The following LRBA variants were observed in gnomAD, a reference collection of about 807,000 sequenced individuals.
LRBA encodes the protein LPS responsive beige-like anchor protein, also known as lipopolysaccharide-responsive and beige-like anchor protein.
LRBA carries 176 observed loss-of-function variants against 330.0 expected under a neutral mutation model. The ratio of observed to expected loss-of-function variants is 0.53; its 90% CI spans 0.47 to 0.60. LRBA has a LOEUF of 0.60. Ranked by LOEUF, LRBA falls within the 20% of genes least tolerant of loss-of-function variation. The probability of loss-of-function intolerance (pLI) is 0.00; values close to 1 mark genes in which losing one functional copy is unlikely to be tolerated. For missense variants in LRBA, 3,259 were observed against 3,444.8 expected (o/e 0.95, Z 1.35); for synonymous variants, 1,230 against 1,193.0 (o/e 1.03, Z -0.64).
At chr4:150,507,857 G>GA (rs1761306172) in intron 40 of LRBA, among the ~76,000 whole-genome samples, 1 of 152,068 alleles carries the variant, frequency 6.6e-6, no homozygotes, top group African/African-American at 2.4e-5. Flanking sequence ...ACTGGGTTAA[G>GA]AAAACGTGGC....
Position 150,297,225 on chromosome 4 carries a change from T to C in LRBA, c.8017+5400A>G, listed in dbSNP as rs1037467309. On this transcript the variant is annotated intron_variant, in intron 53 of 56. Coordinates refer to ENST00000651943, the MANE Select transcript of LRBA (RefSeq NM_001364905.1). ...CCAAACAAGGTAAATAAATGTGATA[T>C]ATTGGCATATCACCCCACCACTCTG... 2.6e-5 allele frequency among the ~76,000 whole-genome samples: 4 copies of C among 152,286 alleles called. No homozygotes were observed. The South Asian group carries it at 8.3e-4, about 32-fold the overall frequency.
intron 48 of LRBA, among the ~76,000 whole-genome samples, chr4:150,345,962 C>T (rs988996031): frequency 2.0e-5 from 3 of 152,104 alleles, no homozygotes; most frequent in Admixed American, 6.5e-5. Context: ...TGTACACCAC[C>T]ACACCCAAAC....
intron 34 of LRBA, among the ~76,000 whole-genome samples, chr4:150,775,805 G>GAAAA (rs35161747): frequency 9.0e-4 from 54 of 59,940 alleles, no homozygotes; most frequent in African/African-American, 1.6e-3. Flanking sequence ...AAGAAAGAAT[G>GAAAA]AAAAAAAAAA....
chr4:150,693,563 C>CAAAGA (rs1784342159), intron 36 of LRBA, among the ~76,000 whole-genome samples: 1 of 52,716 alleles, frequency 1.9e-5, no homozygotes, highest in South Asian at 8.7e-4. Context: ...GACTCCGTCT[C>CAAAGA]AAAAAAAAAA....
At chr4:150,462,650 A>AAAC (rs1322032898) in intron 44 of LRBA, among the ~76,000 whole-genome samples, 1 of 151,832 alleles carries the variant, frequency 6.6e-6, no homozygotes, top group Non-Finnish European at 1.5e-5. Context: ...AAGGTACTAA[A>AAAC]AGTCCTCTGA....
At chr4:150,582,810 C>T in intron 40 of LRBA, 1 of 490,522 alleles carries the variant, frequency 2.0e-6, no homozygotes. Context: ...TCCCCTAATT[C>T]TTCTGCAGAA....
intron 3 of LRBA, 49 bp from the exon 4 acceptor site, chr4:150,928,665 G>T: frequency 1.4e-6 from 2 of 1,467,722 alleles, no homozygotes; most frequent in South Asian, 1.2e-5. Flanking sequence ...TATATTTCTC[G>T]AATATTTAAA....
intron 37 of LRBA, among the ~76,000 whole-genome samples, chr4:150,656,103 G>T (rs1001796971): frequency 6.6e-6 from 1 of 152,166 alleles, no homozygotes. Flanking sequence ...TTTTCAAAAC[G>T]TCTGCCATTT....
chr4:150,849,986 T>C (rs1010469541), intron 24 of LRBA, among the ~76,000 whole-genome samples: 6 of 152,040 alleles, frequency 3.9e-5, no homozygotes, highest in Admixed American at 6.5e-5. Context: ...TAAAAAAAAA[T>C]AAATTAGGTC....
At chr4:150,915,108 T>C (rs533596140) in intron 8 of LRBA, among the ~76,000 whole-genome samples, 2 of 152,258 alleles carry the variant, frequency 1.3e-5, no homozygotes, top group African/African-American at 4.8e-5. Context: ...GTGGGTAGTG[T>C]ACTTTATGTT....
chr4:150,718,159 T>G (rs1728476591), intron 36 of LRBA, among the ~76,000 whole-genome samples: 1 of 152,224 alleles, frequency 6.6e-6, no homozygotes, highest in Non-Finnish European at 1.5e-5. Flanking sequence ...ATCAATGATG[T>G]CATGACATTC....
At chr4:150,674,444 C>T (rs1478737832) in intron 37 of LRBA, among the ~76,000 whole-genome samples, 1 of 151,412 alleles carries the variant, frequency 6.6e-6, no homozygotes, top group Non-Finnish European at 1.5e-5. Flanking sequence ...GCTTCTGAAC[C>T]TTCATTTATT....
At chr4:150,754,545 G>C (rs1310167568) in intron 35 of LRBA, among the ~76,000 whole-genome samples, 1 of 137,412 alleles carries the variant, frequency 7.3e-6, no homozygotes, top group Non-Finnish European at 1.6e-5. Flanking sequence ...AAAAAAAAGA[G>C]AGAGAGAGAG....
intron 44 of LRBA, among the ~76,000 whole-genome samples, chr4:150,457,835 T>G (rs564292721): frequency 6.6e-6 from 1 of 151,936 alleles, no homozygotes; most frequent in East Asian, 1.9e-4. Context: ...CATTATGGGA[T>G]AAAATTAATA....
intron 37 of LRBA, among the ~76,000 whole-genome samples, chr4:150,599,505 AG>A (rs1171603932): frequency 1.3e-5 from 2 of 152,346 alleles, no homozygotes; most frequent in East Asian, 3.9e-4. Context: ...TTTATAAACC[AG>A]AATAGGGAAA....
intron 36 of LRBA, among the ~76,000 whole-genome samples, chr4:150,719,861 T>A (rs551458202): frequency 2.0e-5 from 3 of 152,260 alleles, no homozygotes; most frequent in Non-Finnish European, 4.4e-5. Flanking sequence ...GACTCTACTC[T>A]CTTAAATGAC....
At chr4:150,810,663 G>A (rs1355723943) in intron 31 of LRBA, among the ~76,000 whole-genome samples, 1 of 152,120 alleles carries the variant, frequency 6.6e-6, no homozygotes, top group Non-Finnish European at 1.5e-5. Context: ...GTGCAGTGGT[G>A]TGATCAGAGC....
chr4:150,992,171 C>G (rs1742162157), intron 2 of LRBA, among the ~76,000 whole-genome samples: 1 of 152,054 alleles, frequency 6.6e-6, no homozygotes, highest in Non-Finnish European at 1.5e-5. Context: ...CAAAAATTAG[C>G]TGGACACAGT....
intron 28 of LRBA, among the ~76,000 whole-genome samples, chr4:150,832,219 A>ACT (rs1747313600): frequency 6.6e-6 from 1 of 152,220 alleles, no homozygotes. Context: ...GAGAGAAGTT[A>ACT]GCTCATTTTT....
Sources: allele counts gnomAD v4.1 joint callset (sites outside exome capture counted in the v4.1 genomes callset), GRCh38; gene constraint gnomAD v4.1.1; transcripts MANE v1.5; gene names NCBI Gene and HGNC (gene_info 2026-07-23, HGNC 2026-07-21).